The following GPC5 variants were observed in gnomAD, a reference collection of about 807,000 sequenced individuals.
GPC5 encodes the protein glypican 5.
Under a neutral mutation model 53.9 loss-of-function variants are expected in GPC5, and 47 were observed. The ratio of observed to expected loss-of-function variants is 0.87; its 90% CI spans 0.69 to 1.11. GPC5 has a LOEUF of 1.11. Ranked by LOEUF, GPC5 falls within the 50% of genes most tolerant of loss-of-function variation. The pLI is 0.00. For synonymous variants in GPC5, 286 were observed against 263.3 expected, an observed-to-expected ratio of 1.09 and a Z score of -0.84; for missense variants, 748 against 713.1, an observed-to-expected ratio of 1.05 and a Z score of -0.56.
intron 7 of GPC5, among the ~76,000 whole-genome samples, chr13:92,791,884 A>C (rs546051789): frequency 6.6e-6 from 1 of 152,226 alleles, no homozygotes; most frequent in African/African-American, 2.4e-5. Flanking sequence ...TAACAATTTT[A>C]AGTGCACAAT....
intron 5 of GPC5, among the ~76,000 whole-genome samples, chr13:91,845,364 ATATT>A (rs1331498514): frequency 6.6e-6 from 1 of 152,126 alleles, no homozygotes; most frequent in Non-Finnish European, 1.5e-5. Flanking sequence ...AAAACTGTAC[ATATT>A]TAAAGTGTAC....
At chr13:92,256,985 A>T (rs1171486730) in intron 7 of GPC5, among the ~76,000 whole-genome samples, 4 of 152,078 alleles carry the variant, frequency 2.6e-5, no homozygotes, top group Admixed American at 6.6e-5. Context: ...AGCCACTGGC[A>T]TCCACCATGC....
At chr13:92,042,389 T>C (rs1236977691) in intron 6 of GPC5, among the ~76,000 whole-genome samples, 1 of 151,768 alleles carries the variant, frequency 6.6e-6, no homozygotes, top group Non-Finnish European at 1.5e-5. Flanking sequence ...AGGATAAAAA[T>C]CCAACTTGCT....
intron 7 of GPC5, among the ~76,000 whole-genome samples, chr13:92,666,820 AAGG>A (rs1886584830): frequency 6.6e-6 from 1 of 152,238 alleles, no homozygotes; most frequent in South Asian, 2.1e-4. Flanking sequence ...AGACTTTTAC[AAGG>A]AGATTAGTGT....
At chr13:92,387,923 T>C (rs1475249272) in intron 7 of GPC5, among the ~76,000 whole-genome samples, 3 of 152,160 alleles carry the variant, frequency 2.0e-5, no homozygotes, top group African/African-American at 7.2e-5. Context: ...TGTAAGGCAT[T>C]ATTACTATTT....
chr13:91,938,904 A>G (rs943718443), intron 6 of GPC5, among the ~76,000 whole-genome samples: 14 of 152,112 alleles, frequency 9.2e-5, no homozygotes, highest in African/African-American at 3.4e-4. Flanking sequence ...CTTAGTGATA[A>G]TGAAAAAGAA....
chr13:91,642,179 A>T (rs1283882747), intron 2 of GPC5, among the ~76,000 whole-genome samples: 1 of 152,234 alleles, frequency 6.6e-6, no homozygotes, highest in African/African-American at 2.4e-5. Flanking sequence ...ATCAGTGTAT[A>T]GATTAGACCT....
intron 7 of GPC5, among the ~76,000 whole-genome samples, chr13:92,444,517 G>T (rs1413923141): frequency 6.6e-6 from 1 of 151,934 alleles, no homozygotes; most frequent in East Asian, 1.9e-4. Context: ...AGTTTCAAAA[G>T]GCAGTACTAA....
chr13:91,823,961 T>C (rs562682617), intron 5 of GPC5, among the ~76,000 whole-genome samples: 2 of 152,262 alleles, frequency 1.3e-5, no homozygotes, highest in African/African-American at 2.4e-5. Flanking sequence ...ATGGTTGGTG[T>C]TGTGCATTTG....
chr13:91,620,574 C>T (rs1355907394), intron 2 of GPC5, among the ~76,000 whole-genome samples: 1 of 152,282 alleles, frequency 6.6e-6, no homozygotes, highest in African/African-American at 2.4e-5. Flanking sequence ...CATTTGTTCA[C>T]ATTGTCATCG....
intron 7 of GPC5, among the ~76,000 whole-genome samples, chr13:92,394,261 T>C (rs1239850100): frequency 5.3e-5 from 8 of 152,196 alleles, no homozygotes; most frequent in African/African-American, 9.7e-5. Context: ...TTTTCATCTA[T>C]ACATATTTTG....
At chr13:92,348,508 A>C (rs2043447467) in intron 7 of GPC5, among the ~76,000 whole-genome samples, 1 of 152,134 alleles carries the variant, frequency 6.6e-6, no homozygotes, top group Admixed American at 6.5e-5. Context: ...CACTTTTAAC[A>C]ATGGACTGAT....
At chr13:92,299,377 T>C (rs1337039564) in intron 7 of GPC5, among the ~76,000 whole-genome samples, 1 of 152,324 alleles carries the variant, frequency 6.6e-6, no homozygotes, top group Non-Finnish European at 1.5e-5. Flanking sequence ...CATTATCTAT[T>C]CAAAGAAAGG....
At chr13:92,734,523 A>G (rs1442020357) in intron 7 of GPC5, among the ~76,000 whole-genome samples, 1 of 151,936 alleles carries the variant, frequency 6.6e-6, no homozygotes, top group African/African-American at 2.4e-5. Flanking sequence ...AAAAATAACA[A>G]TTATGAATTA....
intron 5 of GPC5, among the ~76,000 whole-genome samples, chr13:91,894,239 T>C (rs1287437749): frequency 2.0e-5 from 3 of 152,124 alleles, no homozygotes; most frequent in African/African-American, 7.2e-5. Context: ...TTGGTAGCCC[T>C]TCAGGACTTT....
intron 4 of GPC5, among the ~76,000 whole-genome samples, chr13:91,738,796 C>G (rs2140058040): frequency 1.3e-5 from 2 of 151,264 alleles, no homozygotes; most frequent in South Asian, 4.2e-4. Context: ...ACTCCATTAC[C>G]CTCTTCCCTT....
At chr13:92,723,963 G>A (rs569971214) in intron 7 of GPC5, among the ~76,000 whole-genome samples, 56 of 151,514 alleles carry the variant, frequency 3.7e-4, no homozygotes, top group African/African-American at 1.1e-3. Context: ...TGTTTTTTGC[G>A]TTTCAGAAAT....
At chr13:91,689,231 A>ATG (rs1491374245) in intron 2 of GPC5, among the ~76,000 whole-genome samples, 2 of 85,392 alleles carry the variant, frequency 2.3e-5, no homozygotes, top group East Asian at 7.9e-4. Flanking sequence ...ATATATATAT[A>ATG]CACATATAAA....
intron 2 of GPC5, among the ~76,000 whole-genome samples, chr13:91,546,782 A>G (rs1219457750): frequency 6.6e-6 from 1 of 152,118 alleles, no homozygotes; most frequent in Non-Finnish European, 1.5e-5. Context: ...AATGTAGTTG[A>G]AAATCATTGA....
Sources: allele counts gnomAD v4.1 joint callset (sites outside exome capture counted in the v4.1 genomes callset), GRCh38; gene constraint gnomAD v4.1.1; transcripts MANE v1.5; gene names NCBI Gene and HGNC (gene_info 2026-07-23, HGNC 2026-07-21).